ARHGAP21: variants seen among roughly 807,000 people sequenced by gnomAD.
The protein encoded by ARHGAP21 is Rho GTPase activating protein 21, also known as rho GTPase-activating protein 21.
ARHGAP21 carries 38 observed loss-of-function variants against 164.6 expected under a neutral mutation model. The observed-to-expected ratio is 0.23, with a 90% CI of 0.18 to 0.30. The LOEUF is 0.30. Ranked by LOEUF, ARHGAP21 falls within the 10% of genes least tolerant of loss-of-function variation. The probability of loss-of-function intolerance (pLI) is 1.00; values close to 1 mark genes in which losing one functional copy is unlikely to be tolerated. For synonymous variants in ARHGAP21, 766 were observed against 857.9 expected (o/e 0.89, Z 1.87); for missense variants, 1,822 against 2,370.7 (o/e 0.77, Z 4.81).
At chr10:24,692,169 G>A (rs1842810858) in intron 2 of ARHGAP21, among the ~76,000 whole-genome samples, 1 of 152,134 alleles carries the variant, frequency 6.6e-6, no homozygotes. Context: ...GTGTTGGGAG[G>A]GAAGGACATA....
intron 17 of ARHGAP21, chr10:24,596,389 T>C: frequency 2.2e-6 from 1 of 455,568 alleles, no homozygotes. Flanking sequence ...AATCCTAGCA[T>C]GGGTGTTTTA....
chr10:24,590,305 A>T (rs1454196268), intron 24 of ARHGAP21: 1 of 1,534,260 alleles, frequency 6.5e-7, no homozygotes, highest in South Asian at 1.2e-5. Flanking sequence ...TCTTATGAGA[A>T]ACTTTACACC....
intron 2 of ARHGAP21, among the ~76,000 whole-genome samples, chr10:24,673,064 G>GAT (rs1389549363): frequency 6.6e-6 from 1 of 152,084 alleles, no homozygotes; most frequent in African/African-American, 2.4e-5. Context: ...TAAATAGAGA[G>GAT]ATATACCATG....
At chr10:24,679,730 T>C (rs1841594223) in intron 2 of ARHGAP21, among the ~76,000 whole-genome samples, 1 of 152,238 alleles carries the variant, frequency 6.6e-6, no homozygotes, top group Admixed American at 6.5e-5. Context: ...GAGTATCTTT[T>C]CATGTGCTTA....
intron 4 of ARHGAP21, among the ~76,000 whole-genome samples, chr10:24,660,176 T>A (rs2131661559): frequency 6.6e-6 from 1 of 152,198 alleles, no homozygotes; most frequent in East Asian, 1.9e-4. Context: ...CTAATTAGTA[T>A]GTTTCCCTAA....
In ARHGAP21 at chr10:24,628,978, ATATATTTTTTTTTTTTT is replaced by A. The variant is rs1324830527; in HGVS notation, c.495+1001_495+1017del. 4 of 14,290 alleles carry A rather than the reference ATATATTTTTTTTTTTTT, an allele frequency of 2.8e-4. 1 individual carries two copies. The South Asian group carries it at 0.016, about 58-fold the overall frequency. The allele number at this position is 14,290 out of a possible 1,614,324, so 0.9% of individuals were successfully genotyped here. ...TATATATATATATATATATATATAT[ATATATTTTTTTTTTTTT>A]TTTTTTTTTTTTTTTTTTGAGATGA... On this transcript the variant is annotated intron_variant, in intron 7 of 25. Coordinates refer to ENST00000396432, the MANE Select transcript of ARHGAP21 (RefSeq NM_020824.4).
intron 4 of ARHGAP21, among the ~76,000 whole-genome samples, chr10:24,664,025 T>G (rs930405947): frequency 7.2e-5 from 11 of 152,192 alleles, no homozygotes; most frequent in African/African-American, 2.4e-4. Flanking sequence ...GAATGAGACC[T>G]TGGGGTTTGC....
At chr10:24,616,441 C>T (rs11812389) in intron 9 of ARHGAP21, among the ~76,000 whole-genome samples, 5,463 of 152,214 alleles carry the variant, frequency 0.036, 300 homozygotes, top group African/African-American at 0.12. Context: ...GAGCTAAGTT[C>T]CCCTGTATGG....
intron 13 of ARHGAP21, among the ~76,000 whole-genome samples, chr10:24,601,263 A>G (rs1361029360): frequency 6.6e-6 from 1 of 152,238 alleles, no homozygotes; most frequent in African/African-American, 2.4e-5. Flanking sequence ...CGGTCCAAAA[A>G]ACCTGTTGAG....
At position 24,596,831 on chromosome 10, in the gene ARHGAP21, C is replaced by T. The variant is rs1403273388; in HGVS notation, c.3386G>A (p.Ser1129Asn). Residue 1129 changes from serine (S) to asparagine (N), a missense_variant, in exon 17 of 26, where the codon AGT (serine) becomes AAT (asparagine). By Grantham distance (46) the Ser-to-Asn change is conservative. Coordinates refer to ENST00000396432, the MANE Select transcript of ARHGAP21 (RefSeq NM_020824.4). ...TTTCTCAAATGTCTTTCTCATGATA[C>T]TTGGAATGCCTTTTCTCCATGTGCC... ...DKGTWRKGIPSIMRKTFEKKP... is the reference protein window; with the variant it reads ...DKGTWRKGIPNIMRKTFEKKP... 1.2e-5 allele frequency: 20 copies of T among 1,611,224 alleles called. No homozygotes were observed. Among genetic ancestry groups the T allele is most frequent in the Non-Finnish European group, 1.7e-5 (20 of 1,179,034 alleles).
chr10:24,722,996 G>A (rs1452660963), intron 1 of ARHGAP21, among the ~76,000 whole-genome samples: 1 of 151,894 alleles, frequency 6.6e-6, no homozygotes, highest in Non-Finnish European at 1.5e-5. Context: ...CACCTAGGGG[G>A]AAAAAACGAG....
chr10:24,656,440 G>A (rs1269563917), intron 4 of ARHGAP21, among the ~76,000 whole-genome samples: 5 of 80,996 alleles, frequency 6.2e-5, no homozygotes, highest in Non-Finnish European at 1.0e-4. Flanking sequence ...GAGGTGAGGG[G>A]CGCCTCTGCC....
chr10:24,720,069 CT>C (rs367923801), intron 2 of ARHGAP21, among the ~76,000 whole-genome samples: 78 of 152,100 alleles, frequency 5.1e-4, no homozygotes, highest in African/African-American at 1.8e-3. Context: ...CATTGCTAAA[CT>C]TAAAAACAAG....
intron 24 of ARHGAP21, chr10:24,589,599 A>T (rs1001063886): frequency 3.1e-6 from 1 of 322,406 alleles, no homozygotes; most frequent in Non-Finnish European, 5.6e-6. Context: ...CTAAATATTA[A>T]ATCTAGCAAT....
chr10:24,634,117 T>G (rs1836137440), intron 5 of ARHGAP21, among the ~76,000 whole-genome samples: 1 of 151,970 alleles, frequency 6.6e-6, no homozygotes, highest in African/African-American at 2.4e-5. Flanking sequence ...CTCCACTTCA[T>G]CTTCCCAATC....
chr10:24,618,230 AT>A (rs1834184028), intron 9 of ARHGAP21, among the ~76,000 whole-genome samples: 1 of 152,198 alleles, frequency 6.6e-6, no homozygotes, highest in South Asian at 2.1e-4. Flanking sequence ...GCATTTCAAA[AT>A]TGTCTTTCAG....
intron 3 of ARHGAP21, among the ~76,000 whole-genome samples, chr10:24,668,014 GCTAA>G (rs1412275775): frequency 6.6e-6 from 1 of 152,106 alleles, no homozygotes; most frequent in Non-Finnish European, 1.5e-5. Context: ...AGCATTAATA[GCTAA>G]AATTTATTGA....
At position 24,660,008 on chromosome 10, in the gene ARHGAP21, G is replaced by A. The variant is rs189436167; in HGVS notation, c.268+6977C>T. 6.0e-4 allele frequency among the ~76,000 whole-genome samples: 92 copies of A among 152,276 alleles called. 2 individuals are homozygous for A. In the East Asian group the frequency reaches 7.2e-3, roughly 12 times the overall value. ...CATGCAAAGTCTTAGAATGCAGCCA[G>A]TACACTGTTAAATTAGCTGCCACCA... On this transcript the variant is annotated intron_variant, in intron 4 of 25. Coordinates refer to ENST00000396432, the MANE Select transcript of ARHGAP21 (RefSeq NM_020824.4).
At chr10:24,672,379 T>C (rs1840795292) in intron 2 of ARHGAP21, among the ~76,000 whole-genome samples, 1 of 152,182 alleles carries the variant, frequency 6.6e-6, no homozygotes, top group Non-Finnish European at 1.5e-5. Flanking sequence ...TGTCTCAGGC[T>C]CCTTTGTTCT....
Sources: gnomAD v4.1 joint callset for allele counts (sites outside exome capture counted in the v4.1 genomes callset) on GRCh38, gnomAD v4.1.1 for gene constraint, MANE v1.5 for transcripts, NCBI Gene and HGNC (gene_info 2026-07-23, HGNC 2026-07-21) for gene names.